The following LINGO2 variants were observed in gnomAD, a reference collection of about 807,000 sequenced individuals.
LINGO2 encodes leucine-rich repeat and immunoglobulin-like domain-containing nogo receptor-interacting protein 2.
A neutral mutation model predicts 30.6 loss-of-function variants in LINGO2; 14 were observed. The ratio of observed to expected loss-of-function variants is 0.46; its 90% CI spans 0.30 to 0.72. The LOEUF is 0.72. Among genes scored for constraint, LINGO2 ranks in the 30% least tolerant of loss-of-function variants. The pLI, the probability that LINGO2 is intolerant of heterozygous loss-of-function variation, is 0.07. For missense variants in LINGO2, 729 were observed against 751.7 expected (o/e 0.97, Z 0.35); for synonymous variants, 317 against 288.5 (o/e 1.10, Z -1.00).
In LINGO2 at chr9:28,563,878, C is replaced by T. The variant is rs148708496; in HGVS notation, c.-364-87853G>A. 9.7e-3 allele frequency among the ~76,000 whole-genome samples: 1,471 copies of T among 152,158 alleles called. 6 individuals carry two copies. The highest frequency in any genetic ancestry group is 0.024 in the Middle Eastern group (7 of 294). On this transcript the variant is annotated intron_variant, in intron 1 of 5. Coordinates refer to ENST00000379992, the Ensembl canonical transcript of LINGO2. ...TCTGGTCCAATCTGTGGTATCTCTG[C>T]CAACGGGTTTTCTAGATAGTTAGAC...
At chr9:28,229,514 T>C (rs1055343867) in intron 4 of LINGO2, among the ~76,000 whole-genome samples, 1 of 151,630 alleles carries the variant, frequency 6.6e-6, no homozygotes, top group African/African-American at 2.4e-5. Context: ...CTCCCTATCA[T>C]CAGAAATGGC....
chr9:27,944,403 A>G (rs1320725017), downstream of LINGO2: 3 of 152,300 alleles, frequency 2.0e-5, no homozygotes, highest in Admixed American at 2.0e-4. Context: ...TGTAAATGAG[A>G]AGGCTCTTTT....
chr9:28,538,232 A>G (rs574402115), intron 1 of LINGO2, among the ~76,000 whole-genome samples: 1 of 152,114 alleles, frequency 6.6e-6, no homozygotes, highest in South Asian at 2.1e-4. Context: ...ATAAAAATAA[A>G]ACAATATAAA....
the LINGO2 span, among the ~76,000 whole-genome samples, chr9:29,092,687 GCCAACA>G: frequency 3.7e-5 from 5 of 135,710 alleles, 1 homozygote; most frequent in Admixed American, 7.7e-5. Flanking sequence ...AACAAAGACT[GCCAACA>G]GAGCATTTCT....
the LINGO2 span, among the ~76,000 whole-genome samples, chr9:28,797,357 TATAG>T: frequency 2.2e-3 from 124 of 55,188 alleles, no homozygotes; most frequent in Admixed American, 8.1e-3. Flanking sequence ...TATATATATA[TATAG>T]AGAGAGAGAG....
At chr9:28,521,978 A>G (rs772794559) in intron 1 of LINGO2, among the ~76,000 whole-genome samples, 1 of 152,196 alleles carries the variant, frequency 6.6e-6, no homozygotes, top group Non-Finnish European at 1.5e-5. Context: ...CTCTGTATCC[A>G]TCGAGGGAGC....
intron 5 of LINGO2, among the ~76,000 whole-genome samples, chr9:27,965,104 A>ACAGGCATCATG (rs1379836081): frequency 6.6e-6 from 1 of 152,116 alleles, no homozygotes; most frequent in African/African-American, 2.4e-5. Context: ...ATGTGTCTTT[A>ACAGGCATCATG]ACTACAGGCA....
the LINGO2 span, among the ~76,000 whole-genome samples, chr9:29,114,380 T>TTTATTATTATTA: frequency 1.4e-5 from 2 of 143,298 alleles, no homozygotes; most frequent in Admixed American, 7.1e-5. Flanking sequence ...ATTTTTTTCT[T>TTTATTATTATTA]TTATTATTAT....
intron 4 of LINGO2, among the ~76,000 whole-genome samples, chr9:28,143,428 G>A (rs1226010265): frequency 6.6e-6 from 1 of 152,116 alleles, no homozygotes; most frequent in Non-Finnish European, 1.5e-5. Flanking sequence ...TCTTGAAATT[G>A]ATAATCTCTT....
chr9:28,687,142 C>T, the LINGO2 span, among the ~76,000 whole-genome samples: 1 of 152,048 alleles, frequency 6.6e-6, no homozygotes, highest in Non-Finnish European at 1.5e-5. Context: ...GTAAATTACA[C>T]AGAATAGAAA....
the LINGO2 span, among the ~76,000 whole-genome samples, chr9:28,726,117 C>G: frequency 6.6e-6 from 1 of 152,096 alleles, no homozygotes; most frequent in Non-Finnish European, 1.5e-5. Flanking sequence ...ATTTTGAGCC[C>G]TCATAATGTG....
intron 4 of LINGO2, among the ~76,000 whole-genome samples, chr9:28,191,668 A>G (rs184116136): frequency 1.3e-5 from 2 of 152,246 alleles, no homozygotes; most frequent in East Asian, 3.9e-4. Flanking sequence ...GCTCAGAACA[A>G]GTGTAAATGT....
rs191179574 is a variant in LINGO2 at position 28,662,943 on chromosome 9, T to C, written c.-365+7257A>G. 3.7e-3 allele frequency among the ~76,000 whole-genome samples: 566 copies of C among 152,224 alleles called. 3 individuals carry two copies. Among genetic ancestry groups the C allele is most frequent in the Non-Finnish European group, 7.0e-3 (475 of 68,002 alleles). Reference sequence around the variant, plus strand: ...AAAATGCAGCTTTCATAGAGGTAAATAGAAGAATATTAACAAAGTTTCACA... The same window carrying C: ...AAAATGCAGCTTTCATAGAGGTAAACAGAAGAATATTAACAAAGTTTCACA... On this transcript the variant is annotated intron_variant, in intron 1 of 5. Coordinates refer to ENST00000379992, the Ensembl canonical transcript of LINGO2.
rs1254426104 is a variant in LINGO2 at position 28,329,171 on chromosome 9, C to T, written c.-245-33805G>A. On this transcript the variant is annotated intron_variant, in intron 3 of 5. Transcript: ENST00000379992. This position sits in a 1 kb window ranked among gnomAD's most constrained non-coding sequence, Gnocchi z 4.5. The stretch of plus-strand genomic sequence containing the variant: ...GACAGAAGGCTCCCAAATCTGAAAC[C>T]AAGCCTCCAGTTTCCAAAGGAGCCG... Among the ~76,000 whole-genome samples the T allele has an allele frequency of 6.6e-6, 1 of 152,068 alleles. No individual in the cohort carries two copies. The highest frequency in any genetic ancestry group is 1.5e-5 in the Non-Finnish European group (1 of 68,022).
At chr9:28,518,011 G>A in intron 1 of LINGO2, among the ~76,000 whole-genome samples, 2 of 152,066 alleles carry the variant, frequency 1.3e-5, no homozygotes, top group East Asian at 3.9e-4. Context: ...TCTTATTTCT[G>A]TGTCCCTCTG....
At chr9:27,966,771 C>A (rs1012087259) in intron 5 of LINGO2, among the ~76,000 whole-genome samples, 2 of 152,174 alleles carry the variant, frequency 1.3e-5, no homozygotes, top group Non-Finnish European at 1.5e-5. Context: ...TGCGCCTCAA[C>A]TTTGGGTCAA....
the LINGO2 span, among the ~76,000 whole-genome samples, chr9:29,181,494 T>C: frequency 6.6e-6 from 1 of 152,178 alleles, no homozygotes; most frequent in African/African-American, 2.4e-5. Flanking sequence ...AAGTGTCATA[T>C]GAAAAGTATA....
chr9:28,232,511 T>C (rs1228526134), intron 4 of LINGO2, among the ~76,000 whole-genome samples: 2 of 152,046 alleles, frequency 1.3e-5, no homozygotes, highest in African/African-American at 4.8e-5. Context: ...ATATTTACTG[T>C]ATACAATATG....
chr9:28,299,770 G>A (rs1235045471), intron 3 of LINGO2, among the ~76,000 whole-genome samples: 2 of 152,072 alleles, frequency 1.3e-5, no homozygotes, highest in East Asian at 1.9e-4. Context: ...CCTAGAGACT[G>A]AATCTGAAAG....
Sources: gnomAD v4.1 joint callset for allele counts (sites outside exome capture counted in the v4.1 genomes callset) on GRCh38, gnomAD v4.1.1 for gene constraint, Gnocchi (gnomAD v3.1) non-coding constraint, MANE v1.5 for transcripts, NCBI Gene and HGNC (gene_info 2026-07-23, HGNC 2026-07-21) for gene names.